The following GRID2 variants were observed in gnomAD, a reference collection of about 807,000 sequenced individuals.
GRID2 encodes the protein glutamate receptor ionotropic, delta-2.
A neutral mutation model predicts 114.8 loss-of-function variants in GRID2; 33 were observed. The ratio of observed to expected loss-of-function variants is 0.29; its 90% confidence interval spans 0.22 to 0.38. GRID2 has a LOEUF of 0.38. Among genes scored for constraint, GRID2 ranks in the 10% least tolerant of loss-of-function variants. The pLI is 1.00. For synonymous variants in GRID2, 505 were observed against 449.9 expected (o/e 1.12, Z -1.55); for missense variants, 1,184 against 1,257.7 (o/e 0.94, Z 0.89).
chr4:93,376,025 C>T (rs1283545356), intron 8 of GRID2, among the ~76,000 whole-genome samples: 4 of 152,042 alleles, frequency 2.6e-5, no homozygotes, highest in Non-Finnish European at 5.9e-5. Context: ...TTCTTTGCAC[C>T]CGATGGCTCT....
intron 8 of GRID2, among the ~76,000 whole-genome samples, chr4:93,366,215 A>T (rs929100601): frequency 6.6e-6 from 1 of 152,158 alleles, no homozygotes; most frequent in Non-Finnish European, 1.5e-5. Flanking sequence ...ACAGAGCCAT[A>T]TTTCTCTTCT....
intron 3 of GRID2, among the ~76,000 whole-genome samples, chr4:93,105,824 G>A (rs920769609): frequency 6.6e-6 from 1 of 152,020 alleles, no homozygotes; most frequent in Non-Finnish European, 1.5e-5. Flanking sequence ...GATTACACTA[G>A]AGCCACCCAA....
intron 2 of GRID2, among the ~76,000 whole-genome samples, chr4:92,693,020 CAAA>C (rs70942926): frequency 8.5e-5 from 11 of 129,112 alleles, no homozygotes; most frequent in South Asian, 7.1e-4. Context: ...GAAACTGTCT[CAAA>C]AAAAAAAAAA....
At chr4:92,714,717 C>T (rs1029426389) in intron 2 of GRID2, among the ~76,000 whole-genome samples, 1 of 152,120 alleles carries the variant, frequency 6.6e-6, no homozygotes, top group Admixed American at 6.5e-5. Context: ...CCTCTAAAGC[C>T]ACAAGCCACA....
At chr4:93,008,699 G>A (rs985130032) in intron 2 of GRID2, among the ~76,000 whole-genome samples, 1 of 151,982 alleles carries the variant, frequency 6.6e-6, no homozygotes, top group African/African-American at 2.4e-5. Flanking sequence ...TTACAATGTG[G>A]TATATATCAA....
chr4:92,840,129 G>A (rs1401183715), intron 2 of GRID2, among the ~76,000 whole-genome samples: 6 of 151,870 alleles, frequency 4.0e-5, no homozygotes, highest in African/African-American at 1.5e-4. Context: ...TACAATATAA[G>A]TATAGTGACT....
intron 2 of GRID2, among the ~76,000 whole-genome samples, chr4:92,990,874 A>C (rs1754858493): frequency 6.6e-6 from 1 of 152,310 alleles, no homozygotes; most frequent in East Asian, 1.9e-4. Flanking sequence ...GCTCTAAAAA[A>C]GACAAGTCTG....
intron 8 of GRID2, among the ~76,000 whole-genome samples, chr4:93,365,278 ATAGT>A (rs1346947428): frequency 6.6e-6 from 1 of 152,134 alleles, no homozygotes; most frequent in Non-Finnish European, 1.5e-5. Flanking sequence ...ATTTTTGTCA[ATAGT>A]TAAAGAAAGT....
At chr4:93,683,416 T>G (rs1725779057) in intron 14 of GRID2, among the ~76,000 whole-genome samples, 1 of 152,062 alleles carries the variant, frequency 6.6e-6, no homozygotes, top group Admixed American at 6.6e-5. Flanking sequence ...TAGAACATGA[T>G]CCTATGAGCC....
At chr4:93,119,386 A>G (rs1165599999) in intron 4 of GRID2, among the ~76,000 whole-genome samples, 2 of 152,206 alleles carry the variant, frequency 1.3e-5, no homozygotes, top group Non-Finnish European at 2.9e-5. Flanking sequence ...TGCTGTGTAC[A>G]TTATAGTCTT....
intron 14 of GRID2, among the ~76,000 whole-genome samples, chr4:93,720,955 A>G (rs183731553): frequency 3.9e-5 from 6 of 152,306 alleles, no homozygotes; most frequent in African/African-American, 7.2e-5. Flanking sequence ...TGGCTGTGCA[A>G]TTTATAGGAT....
At chr4:93,758,389 T>G (rs541226395) in intron 14 of GRID2, among the ~76,000 whole-genome samples, 1 of 152,312 alleles carries the variant, frequency 6.6e-6, no homozygotes, top group African/African-American at 2.4e-5. Context: ...TTTTAAAATA[T>G]GTATCAGTGT....
At chr4:92,953,096 G>T (rs144324845) in intron 2 of GRID2, among the ~76,000 whole-genome samples, 1 of 152,078 alleles carries the variant, frequency 6.6e-6, no homozygotes, top group Non-Finnish European at 1.5e-5. Flanking sequence ...ACCAACAGTC[G>T]TATTGGATTT....
intron 14 of GRID2, 59 bp from the exon 15 acceptor site, chr4:93,769,151 T>C (rs1733915922): frequency 6.3e-7 from 1 of 1,576,410 alleles, no homozygotes; most frequent in Admixed American, 1.7e-5. Flanking sequence ...ATGGATGTGT[T>C]GTGAACCAGG....
chr4:93,441,025 T>A lies in GRID2; in HGVS notation c.1546-14637T>A, dbSNP rs563816251. The stretch of plus-strand genomic sequence containing the variant: ...TAGACAAGGACAAACAAAACTTCAG[T>A]AAAATATTACAAATAAAAAGATTTG... On this transcript the variant is annotated intron_variant, in intron 10 of 15. Transcript: ENST00000282020. 4.1e-4 allele frequency among the ~76,000 whole-genome samples: 62 copies of A among 152,110 alleles called. 2 individuals are homozygous for A. The East Asian group carries it at 6.2e-3, about 15-fold the overall frequency.
intron 14 of GRID2, among the ~76,000 whole-genome samples, chr4:93,652,509 G>C (rs1298462018): frequency 6.6e-6 from 1 of 152,036 alleles, no homozygotes; most frequent in Non-Finnish European, 1.5e-5. Flanking sequence ...ATTCTGTATA[G>C]TAACATGCAG....
intron 14 of GRID2, among the ~76,000 whole-genome samples, chr4:93,632,220 A>G (rs1246748358): frequency 6.6e-6 from 1 of 152,130 alleles, no homozygotes; most frequent in African/African-American, 2.4e-5. Flanking sequence ...CTTTAGTTTA[A>G]TGAGATCCCA....
At position 93,722,399 on chromosome 4, in the gene GRID2, A is replaced by G. The variant is rs1057501814; in HGVS notation, c.2361-46811A>G. On this transcript the variant is annotated intron_variant, in intron 14 of 15. Coordinates refer to ENST00000282020, the MANE Select transcript of GRID2 (RefSeq NM_001510.4). ...GTTACGGACCAGGAACTTTAACACAAATTTCTAAACTCAGAAACATATTCT... is the reference window on the plus strand; with the variant it reads ...GTTACGGACCAGGAACTTTAACACAGATTTCTAAACTCAGAAACATATTCT... 7.9e-5 allele frequency among the ~76,000 whole-genome samples: 12 copies of G among 152,250 alleles called. No individual in the cohort carries two copies. The East Asian group carries it at 2.1e-3, about 27-fold the overall frequency.
chr4:93,434,445 A>C (rs1049830565), intron 10 of GRID2, among the ~76,000 whole-genome samples: 1 of 152,170 alleles, frequency 6.6e-6, no homozygotes, highest in African/African-American at 2.4e-5. Context: ...AACTTAAAGT[A>C]TAATAAAAAT....
Sources: allele counts gnomAD v4.1 joint callset (sites outside exome capture counted in the v4.1 genomes callset), GRCh38; gene constraint gnomAD v4.1.1; transcripts MANE v1.5; gene names NCBI Gene and HGNC (gene_info 2026-07-23, HGNC 2026-07-21).